Variants in ZNF385B observed in about 807,000 individuals in gnomAD.
The protein encoded by ZNF385B is zinc finger protein 533.
In ZNF385B, 23 loss-of-function variants were observed where a neutral mutation model predicts 39.2. The observed-to-expected ratio is 0.59, with a 90% CI of 0.42 to 0.83. ZNF385B has a LOEUF of 0.83. ZNF385B is among the 40% of genes least tolerant of loss of function. ZNF385B has a pLI of 0.00. For missense variants in ZNF385B, 552 were observed against 598.9 expected, an observed-to-expected ratio of 0.92 and a Z score of 0.82; for synonymous variants, 205 against 222.6, an observed-to-expected ratio of 0.92 and a Z score of 0.70.
At chr2:179,530,753 C>T (rs1253030951) in intron 4 of ZNF385B, among the ~76,000 whole-genome samples, 1 of 152,058 alleles carries the variant, frequency 6.6e-6, no homozygotes, top group Non-Finnish European at 1.5e-5. Context: ...AGCATTTTTC[C>T]CCATAATGGG....
chr2:179,564,932 C>CA (rs1684384722), intron 3 of ZNF385B, among the ~76,000 whole-genome samples: 1 of 152,174 alleles, frequency 6.6e-6, no homozygotes, highest in Admixed American at 6.5e-5. Flanking sequence ...TACTTCCTTA[C>CA]ATGCAGACTC....
At chr2:179,702,028 T>C (rs540388011) in intron 3 of ZNF385B, among the ~76,000 whole-genome samples, 29 of 152,296 alleles carry the variant, frequency 1.9e-4, no homozygotes, top group African/African-American at 6.3e-4. Flanking sequence ...AGAGACCAGA[T>C]TGCTGCTTCA....
intron 1 of ZNF385B, among the ~76,000 whole-genome samples, chr2:179,834,194 G>A (rs531099898): frequency 6.6e-6 from 1 of 152,184 alleles, no homozygotes; most frequent in Admixed American, 6.5e-5. Context: ...CCCCATCCTG[G>A]AAGCAATAAC....
At chr2:179,581,818 C>T (rs34376589) in intron 3 of ZNF385B, among the ~76,000 whole-genome samples, 2 of 152,110 alleles carry the variant, frequency 1.3e-5, no homozygotes, top group African/African-American at 4.8e-5. Context: ...TGTGTTTCCT[C>T]CTTTTTTCCT....
intron 3 of ZNF385B, among the ~76,000 whole-genome samples, chr2:179,594,022 T>C (rs1289743792): frequency 1.4e-5 from 2 of 141,328 alleles, no homozygotes; most frequent in Admixed American, 1.5e-4. Flanking sequence ...GGCAGACTTC[T>C]TTCAACTTTG....
At chr2:179,806,875 T>A (rs560817057) in intron 1 of ZNF385B, among the ~76,000 whole-genome samples, 1 of 152,302 alleles carries the variant, frequency 6.6e-6, no homozygotes, top group East Asian at 1.9e-4. Context: ...AATACAAAAT[T>A]GCAGAATTCA....
intron 3 of ZNF385B, among the ~76,000 whole-genome samples, chr2:179,595,096 T>A (rs957923028): frequency 6.6e-6 from 1 of 152,194 alleles, no homozygotes; most frequent in Admixed American, 6.5e-5. Flanking sequence ...CTTACTTTAC[T>A]ATTAATCACC....
intron 3 of ZNF385B, among the ~76,000 whole-genome samples, chr2:179,633,722 G>T (rs575140861): frequency 1.6e-4 from 25 of 152,264 alleles, no homozygotes; most frequent in African/African-American, 5.8e-4. Flanking sequence ...GCAAGGGAAA[G>T]AAATAAAGGG....
chr2:179,617,376 G>T (rs1333143194), intron 3 of ZNF385B, among the ~76,000 whole-genome samples: 1 of 152,168 alleles, frequency 6.6e-6, no homozygotes, highest in Non-Finnish European at 1.5e-5. Flanking sequence ...AATAGTGTGT[G>T]TTGAAAGCCT....
chr2:179,665,350 A>G (rs1695007466), intron 3 of ZNF385B, among the ~76,000 whole-genome samples: 1 of 152,244 alleles, frequency 6.6e-6, no homozygotes, highest in Non-Finnish European at 1.5e-5. Context: ...GATGAGCATC[A>G]GAAGCTTTCA....
At chr2:179,586,553 C>T (rs1687090093) in intron 3 of ZNF385B, among the ~76,000 whole-genome samples, 1 of 152,172 alleles carries the variant, frequency 6.6e-6, no homozygotes, top group African/African-American at 2.4e-5. Flanking sequence ...GTAGCTGTTG[C>T]CTGACTTACA....
intron 1 of ZNF385B, among the ~76,000 whole-genome samples, chr2:179,835,767 G>C (rs1042568701): frequency 1.3e-5 from 2 of 151,866 alleles, no homozygotes; most frequent in Non-Finnish European, 2.9e-5. Context: ...ATATCATGTG[G>C]GTCCTGGCTG....
At chr2:179,753,897 C>T (rs1424100810) in intron 3 of ZNF385B, among the ~76,000 whole-genome samples, 1 of 152,152 alleles carries the variant, frequency 6.6e-6, no homozygotes, top group African/African-American at 2.4e-5. Context: ...ATTTGACTTC[C>T]TCTTTTCCTA....
chr2:179,558,244 A>G (rs963807227), intron 3 of ZNF385B, among the ~76,000 whole-genome samples: 4 of 152,150 alleles, frequency 2.6e-5, no homozygotes, highest in Admixed American at 2.0e-4. Context: ...GGATCTGGAT[A>G]CAGCAACTCT....
At chr2:179,457,743 G>T (rs1261611428) in intron 6 of ZNF385B, among the ~76,000 whole-genome samples, 1 of 151,844 alleles carries the variant, frequency 6.6e-6, no homozygotes, top group African/African-American at 2.4e-5. Flanking sequence ...TTTCATTATT[G>T]ATTTATAGGA....
rs565019618 is a variant in ZNF385B, at chr2:179,450,004, T to G, written c.716-3234A>C. On this transcript the variant is annotated intron_variant, in intron 6 of 9. Coordinates refer to ENST00000410066, the MANE Select transcript of ZNF385B (RefSeq NM_152520.6). ...CTGACAAAAACAAGAAATGGGGAAA[T>G]GATTCCCTATTTAATAAATGGTGCT... is the stretch of plus-strand genomic sequence containing the variant. 7.8e-3 allele frequency among the ~76,000 whole-genome samples: 1,173 copies of G among 150,800 alleles called. 11 individuals carry two copies. The highest frequency in any genetic ancestry group is 0.027 in the African/African-American group (1,115 of 40,968).
intron 4 of ZNF385B, among the ~76,000 whole-genome samples, chr2:179,534,383 G>A (rs368298319): frequency 1.5e-4 from 23 of 152,074 alleles, no homozygotes; most frequent in South Asian, 4.2e-4. Flanking sequence ...GTATCCTTTC[G>A]TAAACATAAT....
intron 4 of ZNF385B, among the ~76,000 whole-genome samples, chr2:179,539,371 C>G (rs969448803): frequency 6.6e-6 from 1 of 152,160 alleles, no homozygotes; most frequent in African/African-American, 2.4e-5. Context: ...CCATCACTAT[C>G]AAATTGGGGG....
intron 1 of ZNF385B, among the ~76,000 whole-genome samples, chr2:179,834,726 T>C (rs1030545562): frequency 6.6e-6 from 1 of 152,138 alleles, no homozygotes; most frequent in South Asian, 2.1e-4. Context: ...TAGTTATTGA[T>C]TGCAAAAGAG....
Sources: allele counts gnomAD v4.1 joint callset (sites outside exome capture counted in the v4.1 genomes callset), GRCh38; gene constraint gnomAD v4.1.1; transcripts MANE v1.5; gene names NCBI Gene and HGNC (gene_info 2026-07-23, HGNC 2026-07-21).